The following RTN4RL1 variants were observed in gnomAD, a reference collection of about 807,000 sequenced individuals.
The protein encoded by RTN4RL1 is reticulon 4 receptor like 1, also known as reticulon-4 receptor-like 1.
Under a neutral mutation model 25.6 loss-of-function variants are expected in RTN4RL1, and 7 were observed. The observed-to-expected ratio is 0.27, with a 90% confidence interval of 0.16 to 0.51. The LOEUF (loss-of-function observed/expected upper bound fraction) is 0.51, where lower values mean the gene tolerates loss of function less well. RTN4RL1 is among the 20% of genes least tolerant of loss of function. RTN4RL1 has a pLI of 0.97. For missense variants in RTN4RL1, 500 were observed against 615.6 expected (o/e 0.81, Z 1.99); for synonymous variants, 297 against 288.2 (o/e 1.03, Z -0.31).
chr17:1,937,850 G>A, intron 1 of RTN4RL1, 42 bp from the exon 2 acceptor site: 1 of 1,466,064 alleles, frequency 6.8e-7, no homozygotes, highest in Non-Finnish European at 9.3e-7. Context: ...GGGCCGTGCA[G>A]GTGAGGACTG....
intron 1 of RTN4RL1, among the ~76,000 whole-genome samples, chr17:1,949,078 T>C (rs1915623747): frequency 6.6e-6 from 1 of 152,172 alleles, no homozygotes; most frequent in African/African-American, 2.4e-5. Flanking sequence ...TGCCTCAGCC[T>C]CCAGAGTAGC....
rs1009387706 is a variant in RTN4RL1, at chr17:1,936,298, G to A, written c.*198C>T. On this transcript the variant is annotated 3_prime_UTR_variant, in exon 2 of 2. Coordinates refer to ENST00000331238, the MANE Select transcript of RTN4RL1 (RefSeq NM_178568.4). ...TGGCTGGGACAGCCGGCTGAGAAGC[G>A]CCACCCCCTCCCGCCTAGGGCTGTA... 20 of 1,374,350 alleles carry A rather than the reference G, an allele frequency of 1.5e-5. No individual in the cohort carries two copies. The highest frequency in any genetic ancestry group is 6.1e-5 in the African/African-American group (4 of 66,106). 85.1% of individuals were successfully genotyped at this position (1,374,350 alleles called of 1,614,324 possible).
intron 1 of RTN4RL1, among the ~76,000 whole-genome samples, chr17:1,956,487 G>A (rs183678392): frequency 5.8e-4 from 88 of 152,236 alleles, no homozygotes; most frequent in African/African-American, 2.1e-3. Context: ...CTGAGGGCCT[G>A]GGGCCAGAGG....
chr17:1,961,773 C>CAAAAAAAAAAAAAAAAAAAAAAAAAAA (rs1163170575), intron 1 of RTN4RL1, among the ~76,000 whole-genome samples: 2 of 55,578 alleles, frequency 3.6e-5, no homozygotes, highest in African/African-American at 6.9e-5. Flanking sequence ...ACTAAAAATA[C>CAAAAAAAAAAAAAAAAAAAAAAAAAAA]AAAAAAAAAA....
At chr17:1,964,006 G>A (rs894771452) in intron 1 of RTN4RL1, among the ~76,000 whole-genome samples, 8 of 152,138 alleles carry the variant, frequency 5.3e-5, no homozygotes, top group East Asian at 1.9e-4. Context: ...GATTACAGGC[G>A]TGAGCCACCG....
At chr17:1,977,941 T>C (rs950963863) in intron 1 of RTN4RL1, among the ~76,000 whole-genome samples, 20 of 144,200 alleles carry the variant, frequency 1.4e-4, no homozygotes, top group Non-Finnish European at 2.1e-4. Flanking sequence ...CCCCGCACCC[T>C]GCACCCTGGA....
chr17:1,979,825 C>A (rs777691768), intron 1 of RTN4RL1, among the ~76,000 whole-genome samples: 38 of 152,332 alleles, frequency 2.5e-4, no homozygotes, highest in East Asian at 1.4e-3. Flanking sequence ...TCCTCCTCCC[C>A]CCTTGACTGC....
intron 1 of RTN4RL1, among the ~76,000 whole-genome samples, chr17:1,964,788 C>CCTT (rs2066781952): frequency 8.0e-6 from 1 of 124,716 alleles, no homozygotes; most frequent in Non-Finnish European, 1.6e-5. Flanking sequence ...CTTTTCTTTT[C>CCTT]TTTTTTTTTT....
chr17:2,024,763 ACCGGGAGCCCCGGCG>A (rs2067251170), intron 1 of RTN4RL1, 75 bp downstream of exon 1: 1 of 1,366,328 alleles, frequency 7.3e-7, no homozygotes. Context: ...TACTTCCCAG[ACCGGGAGCCCCGGCG>A]CCGGGCGGCG....
At chr17:2,006,565 G>A (rs1225848978) in intron 1 of RTN4RL1, among the ~76,000 whole-genome samples, 2 of 151,902 alleles carry the variant, frequency 1.3e-5, no homozygotes, top group Non-Finnish European at 2.9e-5. Flanking sequence ...TGACCCTCCC[G>A]CCTCAGCCTC....
chr17:1,940,169 A>AG (rs1915411820), intron 1 of RTN4RL1, among the ~76,000 whole-genome samples: 1 of 152,244 alleles, frequency 6.6e-6, no homozygotes. Context: ...AGAGAGTGGC[A>AG]GCTGCTTCCC....
At chr17:2,024,558 G>A (rs1157447307) in intron 1 of RTN4RL1, among the ~76,000 whole-genome samples, 1 of 152,194 alleles carries the variant, frequency 6.6e-6, no homozygotes, top group East Asian at 1.9e-4. Context: ...AAAGGTCCCA[G>A]GAGGCCGGCT....
chr17:2,022,607 G>C (rs1054062130), intron 1 of RTN4RL1, among the ~76,000 whole-genome samples: 1 of 152,214 alleles, frequency 6.6e-6, no homozygotes, highest in Non-Finnish European at 1.5e-5. Context: ...CAGGTGTGCA[G>C]AAGAAACTAA....
At chr17:1,947,217 C>T (rs1384127032) in intron 1 of RTN4RL1, among the ~76,000 whole-genome samples, 1 of 152,202 alleles carries the variant, frequency 6.6e-6, no homozygotes, top group Non-Finnish European at 1.5e-5. Flanking sequence ...TGTCTGCGCA[C>T]GCACGCTTGT....
intron 1 of RTN4RL1, among the ~76,000 whole-genome samples, chr17:1,940,616 G>T (rs1265828548): frequency 6.6e-6 from 1 of 152,086 alleles, no homozygotes; most frequent in Non-Finnish European, 1.5e-5. Context: ...CTTGACTTTT[G>T]GGAAGCCTGC....
chr17:1,986,617 C>T (rs1037420199), intron 1 of RTN4RL1, among the ~76,000 whole-genome samples: 9 of 152,060 alleles, frequency 5.9e-5, no homozygotes, highest in East Asian at 5.8e-4. Flanking sequence ...CCCCACGGCC[C>T]CCAGAAGCTG....
intron 1 of RTN4RL1, among the ~76,000 whole-genome samples, chr17:1,955,975 T>C (rs1284724295): frequency 2.0e-5 from 3 of 152,146 alleles, no homozygotes; most frequent in Non-Finnish European, 4.4e-5. Context: ...TTGACAACCA[T>C]TGACAGAGCC....
chr17:1,966,336 G>T (rs1386622389), intron 1 of RTN4RL1, among the ~76,000 whole-genome samples: 1 of 152,176 alleles, frequency 6.6e-6, no homozygotes, highest in African/African-American at 2.4e-5. Flanking sequence ...CCCCTCTCCT[G>T]TCAGGAGCAA....
At chr17:1,958,295 T>C (rs1260729332) in intron 1 of RTN4RL1, among the ~76,000 whole-genome samples, 1 of 152,178 alleles carries the variant, frequency 6.6e-6, no homozygotes, top group Non-Finnish European at 1.5e-5. Context: ...AGGAGACATC[T>C]CTCTCCTTAG....
Sources: allele counts gnomAD v4.1 joint callset (sites outside exome capture counted in the v4.1 genomes callset), GRCh38; gene constraint gnomAD v4.1.1; transcripts MANE v1.5; gene names NCBI Gene and HGNC (gene_info 2026-07-23, HGNC 2026-07-21).